PCNX2: variants seen among roughly 807,000 people sequenced by gnomAD.
PCNX2 encodes pecanex 2.
Under a neutral mutation model 223.8 loss-of-function variants are expected in PCNX2, and 168 were observed. The ratio of observed to expected loss-of-function variants is 0.75; its 90% confidence interval spans 0.66 to 0.85. The LOEUF (loss-of-function observed/expected upper bound fraction) is 0.85. PCNX2 is among the 40% of genes least tolerant of loss of function. The pLI, the probability that PCNX2 is intolerant of heterozygous loss-of-function variation, is 0.00. For missense variants in PCNX2, 2,507 were observed against 2,675.5 expected (o/e 0.94, Z 1.39); for synonymous variants, 1,006 against 1,052.6 (o/e 0.96, Z 0.86).
chr1:233,173,771 C>T (rs1679299178), intron 17 of PCNX2, among the ~76,000 whole-genome samples: 1 of 152,068 alleles, frequency 6.6e-6, no homozygotes, highest in South Asian at 2.1e-4. Context: ...TGTGACACTA[C>T]TTGTTAGAAA....
intron 17 of PCNX2, among the ~76,000 whole-genome samples, chr1:233,165,100 G>A (rs866634290): frequency 2.6e-4 from 40 of 152,078 alleles, no homozygotes; most frequent in African/African-American, 9.7e-4. Context: ...ATTGCAGAAT[G>A]CATACATGTA....
chr1:233,306,392 C>T, the PCNX2 span, among the ~76,000 whole-genome samples: 1 of 152,108 alleles, frequency 6.6e-6, no homozygotes, highest in Admixed American at 6.6e-5. Flanking sequence ...AAGTCTTGGG[C>T]AACAACATGT....
In PCNX2 at chr1:233,104,021, G is replaced by C. The variant is rs1333943393; in HGVS notation, c.3838-8158C>G. Among the ~76,000 whole-genome samples, 4 of 152,072 alleles carry C rather than the reference G, an allele frequency of 2.6e-5. No individual in the cohort carries two copies. In the East Asian group the frequency reaches 5.8e-4, roughly 22 times the overall value. ...TGGGGACCACATATTGCAAATCATT[G>C]CACTAAAGGGCTAGAAACACAGTAT... On this transcript the variant is annotated intron_variant, in intron 21 of 33. Coordinates refer to ENST00000258229, the MANE Select transcript of PCNX2 (RefSeq NM_014801.4).
intron 33 of PCNX2, 24 bp from the exon 34 acceptor site, chr1:232,984,501 G>C: frequency 6.2e-7 from 1 of 1,607,178 alleles, no homozygotes; most frequent in Non-Finnish European, 8.5e-7. Context: ...GAGAGAAACA[G>C]TGAACAGCTC....
intron 23 of PCNX2, among the ~76,000 whole-genome samples, chr1:233,063,588 A>C (rs1266879179): frequency 1.3e-5 from 2 of 152,162 alleles, no homozygotes; most frequent in African/African-American, 4.8e-5. Flanking sequence ...AGTGCTGTGA[A>C]ACCTCACTAT....
At chr1:233,080,810 T>C (rs1021111410) in intron 23 of PCNX2, among the ~76,000 whole-genome samples, 1 of 152,170 alleles carries the variant, frequency 6.6e-6, no homozygotes, top group Non-Finnish European at 1.5e-5. Flanking sequence ...TTCAGTCCAC[T>C]GCAATCCTCA....
chr1:233,043,018 C>A (rs1671698866), intron 25 of PCNX2, among the ~76,000 whole-genome samples: 1 of 152,146 alleles, frequency 6.6e-6, no homozygotes, highest in South Asian at 2.1e-4. Context: ...CTCAGGAAAG[C>A]CTATTCATTT....
Position 233,000,213 on chromosome 1 carries a change from G to A in PCNX2, c.5328+92C>T. ...AGAGGATGCTGGCACAGAGACTCCTGTGTCAGTGCCCCCCTGCCCACCACC... is the reference window on the plus strand; with the variant it reads ...AGAGGATGCTGGCACAGAGACTCCTATGTCAGTGCCCCCCTGCCCACCACC... On this transcript the variant is annotated intron_variant, in intron 30 of 33. Coordinates refer to ENST00000258229, the MANE Select transcript of PCNX2 (RefSeq NM_014801.4). The surrounding 1 kb of genome is among the most constrained non-coding windows in gnomAD (Gnocchi z 4.6). 1 of 1,239,798 alleles carries A rather than the reference G, an allele frequency of 8.1e-7. No individual in the cohort carries two copies. The highest frequency in any genetic ancestry group is 2.3e-5 in the East Asian group (1 of 42,998). 76.8% of individuals were successfully genotyped at this position (1,239,798 alleles called of 1,614,324 possible).
chr1:233,095,426 A>G, intron 22 of PCNX2: 1 of 270,812 alleles, frequency 3.7e-6, no homozygotes, highest in Non-Finnish European at 7.1e-6. Flanking sequence ...CAGCAAATTT[A>G]TTTGCACTAT....
rs373797776 is a variant in PCNX2, at chr1:233,179,024, C to T, written c.3176+42G>A. ...GGGCACAAAGCTGCAGGAACTATGC[C>T]CCCAGCTCAGTGATGAGAGAGCACA... On this transcript the variant is annotated intron_variant, in intron 16 of 33. Coordinates refer to ENST00000258229, the MANE Select transcript of PCNX2 (RefSeq NM_014801.4). 217 of 1,568,526 alleles carry T rather than the reference C, an allele frequency of 1.4e-4. No homozygotes were observed. In the Middle Eastern group the frequency reaches 2.1e-3, roughly 15 times the overall value.
intron 17 of PCNX2, chr1:233,167,751 T>G: frequency 1.5e-5 from 15 of 984,928 alleles, no homozygotes; most frequent in Non-Finnish European, 1.8e-5. Context: ...ACACCTGAAC[T>G]TCAGAGCTTG....
chr1:233,181,799 A>G (rs1291522291), intron 15 of PCNX2, among the ~76,000 whole-genome samples: 2 of 152,184 alleles, frequency 1.3e-5, no homozygotes, highest in African/African-American at 4.8e-5. Flanking sequence ...CTCTTTTACA[A>G]GGACACTGAT....
At chr1:233,179,468 C>T (rs1679671289) in intron 15 of PCNX2, among the ~76,000 whole-genome samples, 1 of 152,132 alleles carries the variant, frequency 6.6e-6, no homozygotes, top group Non-Finnish European at 1.5e-5. Flanking sequence ...TAATATTAAA[C>T]ATGTGTCCCT....
At chr1:233,046,106 T>G (rs1465870652) in intron 25 of PCNX2, among the ~76,000 whole-genome samples, 1 of 152,236 alleles carries the variant, frequency 6.6e-6, no homozygotes, top group Non-Finnish European at 1.5e-5. Flanking sequence ...CTTGGGGAGC[T>G]TGCCTCCTCT....
At chr1:233,232,727 T>C (rs532008807) in intron 9 of PCNX2, 2 of 819,948 alleles carry the variant, frequency 2.4e-6, no homozygotes, top group South Asian at 1.1e-4. Flanking sequence ...TTAATGATAG[T>C]AAATTGTGAT....
chr1:233,129,227 G>A (rs1676290627), intron 21 of PCNX2, among the ~76,000 whole-genome samples: 1 of 152,232 alleles, frequency 6.6e-6, no homozygotes, highest in Admixed American at 6.5e-5. Context: ...GCGGCCCCGG[G>A]CAGTGAGGGG....
intron 15 of PCNX2, among the ~76,000 whole-genome samples, chr1:233,181,868 C>T (rs565162271): frequency 6.6e-6 from 1 of 152,206 alleles, no homozygotes; most frequent in Non-Finnish European, 1.5e-5. Context: ...CCCTCGCCTC[C>T]AATACCATTA....
rs140579634 is a variant in PCNX2 at position 233,247,616 on chromosome 1, C to T, written c.2222+3123G>A. Among the ~76,000 whole-genome samples the T allele has an allele frequency of 7.5e-3, 1,135 of 152,104 alleles. 9 individuals carry two copies. Among genetic ancestry groups the T allele is most frequent in the South Asian group, 0.023 (113 of 4,810 alleles). ...TGAGATTGCCAGGTGTGGTGGCTCA[C>T]GCCTGTAATCCCAACACTTTGGGAG... On this transcript the variant is annotated intron_variant, in intron 8 of 33. Transcript: ENST00000258229.
intron 19 of PCNX2, among the ~76,000 whole-genome samples, chr1:233,158,740 T>C (rs1558293265): frequency 6.6e-6 from 1 of 152,226 alleles, no homozygotes. Flanking sequence ...CTTCATCAAC[T>C]AACTTAACAA....
Sources: gnomAD v4.1 joint callset for allele counts (sites outside exome capture counted in the v4.1 genomes callset) on GRCh38, gnomAD v4.1.1 for gene constraint, Gnocchi (gnomAD v3.1) non-coding constraint, MANE v1.5 for transcripts, NCBI Gene and HGNC (gene_info 2026-07-23, HGNC 2026-07-21) for gene names.